The following SERINC2 variants were observed in gnomAD, a reference collection of about 807,000 sequenced individuals.
SERINC2 encodes the protein tumor differentially expressed protein 2.
SERINC2 carries 56 observed loss-of-function variants against 54.2 expected under a neutral mutation model. The ratio of observed to expected loss-of-function variants is 1.03; its 90% confidence interval spans 0.83 to 1.29. The LOEUF (loss-of-function observed/expected upper bound fraction) is 1.29. Ranked by LOEUF, SERINC2 falls within the 50% of genes most tolerant of loss-of-function variation. The pLI is 0.00. For missense variants in SERINC2, 614 were observed against 607.4 expected, an observed-to-expected ratio of 1.01 and a Z score of -0.12; for synonymous variants, 272 against 253.1, an observed-to-expected ratio of 1.07 and a Z score of -0.71.
intron 1 of SERINC2, among the ~76,000 whole-genome samples, chr1:31,417,224 C>G (rs1444451316): frequency 6.6e-6 from 1 of 152,152 alleles, no homozygotes; most frequent in African/African-American, 2.4e-5. Context: ...CCCAAAGATA[C>G]CACACACTAC....
intron 8 of SERINC2, among the ~76,000 whole-genome samples, chr1:31,432,210 C>CAGGGTGGATAGGGTGGAT (rs1641315644): frequency 2.1e-5 from 2 of 94,578 alleles, no homozygotes; most frequent in Non-Finnish European, 4.7e-5. Context: ...AGAGAGTGGA[C>CAGGGTGGATAGGGTGGAT]AGGGTGGAGA....
chr1:31,416,583 A>G (rs940538561), intron 1 of SERINC2, among the ~76,000 whole-genome samples: 2 of 152,228 alleles, frequency 1.3e-5, no homozygotes, highest in Non-Finnish European at 2.9e-5. Context: ...GGAGTTGTTC[A>G]TGAAGGCGGC....
At chr1:31,432,726 G>A (rs949413231) in intron 8 of SERINC2, among the ~76,000 whole-genome samples, 3 of 152,118 alleles carry the variant, frequency 2.0e-5, no homozygotes, top group Admixed American at 2.0e-4. Context: ...TCTAGAGGAG[G>A]TACGATTATC....
chr1:31,426,066 TG>T (rs1272878826), intron 5 of SERINC2, 153 bp downstream of exon 5: 3 of 782,410 alleles, frequency 3.8e-6, no homozygotes, highest in African/African-American at 1.7e-5. Flanking sequence ...CCCAGGGAGA[TG>T]GGGGGCACCA....
upstream of SERINC2, chr1:31,410,306 C>T: frequency 4.6e-6 from 7 of 1,534,572 alleles, no homozygotes; most frequent in Non-Finnish European, 6.1e-6. Context: ...AAATGAAGCT[C>T]TTTATCCATG....
intron 8 of SERINC2, among the ~76,000 whole-genome samples, chr1:31,430,619 G>C (rs1553134312): frequency 6.6e-6 from 1 of 152,162 alleles, no homozygotes; most frequent in African/African-American, 2.4e-5. Context: ...ATTAAGTGTT[G>C]CATATTATTG....
At chr1:31,432,805 A>ATGGGAG (rs2148533409) in intron 8 of SERINC2, among the ~76,000 whole-genome samples, 162 bp from the exon 9 acceptor site, 1 of 152,244 alleles carries the variant, frequency 6.6e-6, no homozygotes, top group South Asian at 2.1e-4. Context: ...CACACAGAAA[A>ATGGGAG]TGGGAGTGGG....
chr1:31,433,215 C>A (rs1553135131), intron 9 of SERINC2, 30 bp downstream of exon 9: 7 of 1,589,178 alleles, frequency 4.4e-6, no homozygotes. Flanking sequence ...TGGACAGAGC[C>A]CGGAGGTGCA....
chr1:31,414,639 A>AG (rs1193678116), intron 1 of SERINC2: 2 of 985,450 alleles, frequency 2.0e-6, no homozygotes, highest in African/African-American at 3.5e-5. Flanking sequence ...GTGCAGGAGG[A>AG]GGAATCAAGC....
intron 8 of SERINC2, among the ~76,000 whole-genome samples, chr1:31,430,788 G>A (rs1215520877): frequency 6.6e-6 from 1 of 152,110 alleles, no homozygotes; most frequent in East Asian, 1.9e-4. Context: ...GGCAGACCCT[G>A]AGTTTGCCTC....
chr1:31,409,790 A>G, upstream of SERINC2: 3 of 1,548,214 alleles, frequency 1.9e-6, no homozygotes, highest in Non-Finnish European at 2.6e-6. Flanking sequence ...ACAGACAGCG[A>G]AGCCCAAGGG....
chr1:31,434,287 A>C lies in SERINC2; in HGVS notation c.*88A>C. On this transcript the variant is annotated 3_prime_UTR_variant, in exon 10 of 10. Transcript: ENST00000373709. ...GCCAACCTGCCCCCTCCCCACACCA[A>C]TCAGCCAGGCTGAGCCCCCACCCCT... The C allele has an allele frequency of 7.2e-6, 10 of 1,396,632 alleles. No homozygotes were observed. Among genetic ancestry groups the C allele is most frequent in the Non-Finnish European group, 9.8e-6 (10 of 1,015,436 alleles). 86.5% of individuals were successfully genotyped at this position (1,396,632 alleles called of 1,614,324 possible). A position where few individuals can be genotyped will look rare whatever the true frequency, so the allele number is the denominator to read the frequency against.
rs782662561 is a variant in SERINC2, at chr1:31,424,777, G to T, written c.296G>T (p.Arg99Leu). 2.5e-6 allele frequency: 4 copies of T among 1,612,224 alleles called. No homozygotes were observed. The South Asian group carries it at 3.3e-5, about 13-fold the overall frequency. Reference protein sequence around the residue: ...GSLLGYRAVYRMCFATAAFFF... With the variant: ...GSLLGYRAVYLMCFATAAFFF... ...CTGCTTGGCTACCGCGCTGTCTACC[G>T]CATGTGCTTCGCCACGGCGGCCTTC... is the stretch of plus-strand genomic sequence containing the variant. Residue 99 changes from arginine to leucine, a missense_variant, in exon 3 of 10, where the codon CGC becomes CTC. By Grantham distance (102) the Arg-to-Leu change is moderately radical. Coordinates refer to ENST00000373709, the MANE Select transcript of SERINC2 (RefSeq NM_178865.5).
intron 9 of SERINC2, 38 bp downstream of exon 9, chr1:31,433,223 G>A: frequency 6.5e-7 from 1 of 1,542,376 alleles, no homozygotes; most frequent in Non-Finnish European, 9.0e-7. Flanking sequence ...GCCCGGAGGT[G>A]CAGGGTGCAG....
Position 31,414,452 on chromosome 1 carries a change from TGTGA to T in SERINC2, c.39+1150_39+1153del, listed in dbSNP as rs1640730945. The T allele has an allele frequency of 2.9e-5, 28 of 951,700 alleles. No homozygotes were observed. In the Admixed American group the frequency reaches 1.2e-3, roughly 42 times the overall value. The allele number at this position is 951,700 out of a possible 1,614,324, so 59.0% of individuals were successfully genotyped here. On this transcript the variant is annotated intron_variant, in intron 1 of 9. Transcript: ENST00000373709. The stretch of plus-strand genomic sequence containing the variant: ...GTGTGTGTGTGTGTGTGTGTGTGTG[TGTGA>T]GAGAGAGAGAGAGAGAGAGGAGGGG...
At chr1:31,429,276 T>C in intron 7 of SERINC2, 121 bp from the exon 8 acceptor site, 3 of 1,286,252 alleles carry the variant, frequency 2.3e-6, no homozygotes, top group Non-Finnish European at 3.3e-6. Context: ...TTGCTGGGAC[T>C]TGAGTGGTTG....
At chr1:31,422,668 G>T (rs141710574) in intron 1 of SERINC2, among the ~76,000 whole-genome samples, 1 of 152,300 alleles carries the variant, frequency 6.6e-6, no homozygotes, top group African/African-American at 2.4e-5. Flanking sequence ...TGCTCTCCAG[G>T]CTCTTAAATC....
chr1:31,432,194 G>GGGTGGTT (rs1641312301), intron 8 of SERINC2, among the ~76,000 whole-genome samples: 4 of 142,652 alleles, frequency 2.8e-5, no homozygotes, highest in African/African-American at 7.8e-5. Flanking sequence ...AGGGTGGTTA[G>GGGTGGTT]AGTGGAGAGA....
At position 31,423,615 on chromosome 1, in the gene SERINC2, C is replaced by T. The variant is rs1461524816; in HGVS notation, c.40-78C>T. On this transcript the variant is annotated intron_variant, in intron 1 of 9. Coordinates refer to ENST00000373709, the MANE Select transcript of SERINC2 (RefSeq NM_178865.5). ...CCTGCCTAGCGCAGCACAGATGCGC[C>T]GACCTCTGGGCAGGTGGTGAGAGGT... 1.4e-5 allele frequency: 20 copies of T among 1,452,918 alleles called. No individual in the cohort carries two copies. The East Asian group carries it at 1.7e-4, about 12-fold the overall frequency. 90.0% of individuals were successfully genotyped at this position (1,452,918 alleles called of 1,614,324 possible).
Sources: gnomAD v4.1 joint callset for allele counts (sites outside exome capture counted in the v4.1 genomes callset) on GRCh38, gnomAD v4.1.1 for gene constraint, MANE v1.5 for transcripts, NCBI Gene and HGNC (gene_info 2026-07-23, HGNC 2026-07-21) for gene names.